Variants in SEC16B observed in about 807,000 individuals in gnomAD.
SEC16B encodes the protein protein transport protein Sec16B.
SEC16B carries 115 observed loss-of-function variants against 141.8 expected under a neutral mutation model. The ratio of observed to expected loss-of-function variants is 0.81; its 90% CI spans 0.70 to 0.95. SEC16B has a LOEUF of 0.95. SEC16B is among the 40% of genes least tolerant of loss of function. SEC16B has a pLI of 0.00. For missense variants in SEC16B, 1,291 were observed against 1,312.3 expected, an observed-to-expected ratio of 0.98 and a Z score of 0.25; for synonymous variants, 493 against 492.5, an observed-to-expected ratio of 1.00 and a Z score of -0.01.
Position 177,941,980 on chromosome 1 carries a change from G to A in SEC16B, c.1942C>T (p.His648Tyr), listed in dbSNP as rs373919943. Residue 648 changes from histidine to tyrosine, a missense_variant, in exon 16 of 26, where the codon CAT (histidine) becomes TAT (tyrosine). This residue lies in a region of SEC16B where 605 missense variants were observed against 614.1 expected (regional missense o/e 0.99). Transcript: ENST00000308284. ...GCTGCACCAATGGCTTCGCAGTAAT[G>A]CAAAGCCTGGGACACGAGGCCATAA... is the stretch of plus-strand genomic sequence containing the variant. Reference protein sequence around the residue: ...ADYGLVSQALHYCEAIGAAVL... With the variant: ...ADYGLVSQALYYCEAIGAAVL... 3 of 1,613,892 alleles carry A rather than the reference G, an allele frequency of 1.9e-6. No individual in the cohort carries two copies. In the African/African-American group the frequency reaches 4.0e-5, roughly 22 times the overall value.
chr1:177,957,997 T>C (rs1302949622), intron 10 of SEC16B, 135 bp downstream of exon 10: 2 of 487,122 alleles, frequency 4.1e-6, no homozygotes, highest in Non-Finnish European at 6.6e-6. Context: ...TCATTTTCTT[T>C]GTTCTGTCTT....
At chr1:177,967,153 T>C (rs1653591705) in intron 2 of SEC16B, among the ~76,000 whole-genome samples, 1 of 152,052 alleles carries the variant, frequency 6.6e-6, no homozygotes, top group Non-Finnish European at 1.5e-5. Flanking sequence ...CTGAGGTCAA[T>C]TTTTTTTAAG....
In SEC16B at chr1:177,933,542, T is replaced by A; in HGVS notation, c.2666A>T (p.Asn889Ile). The A allele has an allele frequency of 1.2e-6, 2 of 1,613,184 alleles. No homozygotes were observed. Among genetic ancestry groups the A allele is most frequent in the Non-Finnish European group, 1.7e-6 (2 of 1,179,712 alleles). The change falls in exon 21 of 26, where the codon AAC becomes ATC. Residue 889 changes from asparagine (N) to isoleucine (I), a missense_variant. Transcript: ENST00000308284. ...EKESSDEADK[N>I]SPRNTAQRGK... ...TCTCTGGGCAGTATTTCGGGGAGAGTTTTTATCAGCCTCATCAGAGGACTC... is the reference window on the plus strand; with the variant it reads ...TCTCTGGGCAGTATTTCGGGGAGAGATTTTATCAGCCTCATCAGAGGACTC...
chr1:177,933,692 A>G lies in SEC16B; in HGVS notation c.2572-56T>C, dbSNP rs1413725648. On this transcript the variant is annotated intron_variant, in intron 20 of 25. Transcript: ENST00000308284. Reference sequence around the variant, plus strand: ...TGGCACTTGACAGGTTACCAAACACATTTGCACATACTCCCTCACCTGACC... The same window carrying G: ...TGGCACTTGACAGGTTACCAAACACGTTTGCACATACTCCCTCACCTGACC... 3.2e-6 allele frequency: 5 copies of G among 1,573,272 alleles called. No individual in the cohort carries two copies. In the African/African-American group the frequency reaches 6.7e-5, roughly 21 times the overall value.
At chr1:177,982,291 T>A (rs1347936082) in intron 1 of SEC16B, among the ~76,000 whole-genome samples, 2 of 152,200 alleles carry the variant, frequency 1.3e-5, no homozygotes, top group Non-Finnish European at 2.9e-5. Flanking sequence ...AAGATGTTTT[T>A]ACTTGTGGTG....
chr1:177,955,535 C>G (rs895825228), intron 10 of SEC16B, among the ~76,000 whole-genome samples: 3 of 151,410 alleles, frequency 2.0e-5, no homozygotes, highest in Non-Finnish European at 4.4e-5. Context: ...TTTGTAGAGA[C>G]GGGGTTTCTC....
chr1:177,980,795 A>G (rs74130808), intron 1 of SEC16B, among the ~76,000 whole-genome samples: 2,902 of 152,086 alleles, frequency 0.019, 102 homozygotes, highest in African/African-American at 0.067. Context: ...AAAGAAAGAA[A>G]AAAAAAATCT....
rs962771300 is a variant in SEC16B, at chr1:177,983,929, C to T, written c.-59+277G>A. On this transcript the variant is annotated intron_variant and NMD_transcript_variant, in intron 1 of 24. Transcript: ENST00000528461. Reference sequence around the variant, plus strand: ...ACAATCCATTCCATCCCCCAGGGAACAGCCTTTGCCAGAGTATGAAGGAAC... The same window carrying T: ...ACAATCCATTCCATCCCCCAGGGAATAGCCTTTGCCAGAGTATGAAGGAAC... Among the ~76,000 whole-genome samples, 13 of 152,174 alleles carry T rather than the reference C, an allele frequency of 8.5e-5. 1 individual carries two copies. Among genetic ancestry groups the T allele is most frequent in the Non-Finnish European group, 1.6e-4 (11 of 68,042 alleles).
chr1:177,966,051 A>G, intron 2 of SEC16B, 46 bp from the exon 3 acceptor site: 1 of 1,211,730 alleles, frequency 8.3e-7, no homozygotes, highest in Non-Finnish European at 1.2e-6. Flanking sequence ...CAAGGGTAGT[A>G]AAGAGAGAAA....
chr1:177,954,133 T>G, intron 11 of SEC16B, 146 bp downstream of exon 11: 1 of 562,376 alleles, frequency 1.8e-6, no homozygotes, highest in Non-Finnish European at 3.2e-6. Flanking sequence ...AGAAATGCTA[T>G]GTCCAGCTCA....
Position 177,955,146 on chromosome 1 carries a change from T to C in SEC16B, c.1366-770A>G, listed in dbSNP as rs569550267. Among the ~76,000 whole-genome samples the C allele has an allele frequency of 2.3e-4, 35 of 152,182 alleles. No homozygotes were observed. The East Asian group carries it at 5.8e-3, about 25-fold the overall frequency. ...AAAAAAATTCACAGATTAAAAAATA[T>C]TCAACTTCATTGAATGCATTTTGAA... is the stretch of plus-strand genomic sequence containing the variant. On this transcript the variant is annotated intron_variant, in intron 10 of 25. Transcript: ENST00000308284.
At chr1:177,944,838 G>GT (rs1432705795) in intron 14 of SEC16B, among the ~76,000 whole-genome samples, 172 bp from the exon 15 acceptor site, 1 of 152,076 alleles carries the variant, frequency 6.6e-6, no homozygotes, top group East Asian at 1.9e-4. Context: ...CAGAGTGAGT[G>GT]TTTCACTTCC....
intron 13 of SEC16B, 138 bp from the exon 14 acceptor site, chr1:177,946,669 C>T: frequency 1.6e-6 from 1 of 632,646 alleles, no homozygotes; most frequent in Non-Finnish European, 2.8e-6. Context: ...AATGAATGAG[C>T]CTTTCATAGC....
At chr1:177,931,535 T>A (rs1650415562) in intron 24 of SEC16B, among the ~76,000 whole-genome samples, 1 of 152,174 alleles carries the variant, frequency 6.6e-6, no homozygotes, top group South Asian at 2.1e-4. Flanking sequence ...CACCACTATA[T>A]AATTCATCTA....
intron 17 of SEC16B, 105 bp downstream of exon 17, chr1:177,940,505 G>A (rs1651197229): frequency 2.7e-6 from 2 of 752,352 alleles, no homozygotes; most frequent in African/African-American, 1.7e-5. Flanking sequence ...GAGGCATGGG[G>A]ACCAGGGACT....
chr1:177,952,043 T>G, intron 11 of SEC16B, 48 bp from the exon 12 acceptor site: 1 of 1,499,946 alleles, frequency 6.7e-7, no homozygotes, highest in Non-Finnish European at 9.1e-7. Context: ...GGGAACCTCT[T>G]TACCCATTGC....
At chr1:177,964,354 C>G in intron 4 of SEC16B, 75 bp from the exon 5 acceptor site, 1 of 1,051,112 alleles carries the variant, frequency 9.5e-7, no homozygotes, top group South Asian at 1.5e-5. Flanking sequence ...CCGCCGGAAG[C>G]TGACCTGCTC....
At chr1:177,983,904 A>G (rs1654525261) in intron 1 of SEC16B, among the ~76,000 whole-genome samples, 1 of 152,190 alleles carries the variant, frequency 6.6e-6, no homozygotes, top group Admixed American at 6.5e-5. Context: ...TTGCACATTA[A>G]CAATCCATTC....
At chr1:177,932,879 TC>T in intron 22 of SEC16B, 73 bp from the exon 23 acceptor site, 1 of 1,409,904 alleles carries the variant, frequency 7.1e-7, no homozygotes, top group Middle Eastern at 1.9e-4. Flanking sequence ...CAATTTGTGT[TC>T]CCACACTCAC....
Sources: gnomAD v4.1 joint callset for allele counts (sites outside exome capture counted in the v4.1 genomes callset) on GRCh38, gnomAD v4.1.1 for gene constraint, gnomAD v4.1.1 regional missense constraint, MANE v1.5 for transcripts, NCBI Gene and HGNC (gene_info 2026-07-23, HGNC 2026-07-21) for gene names.